Variants in OPCML observed in about 807,000 individuals in gnomAD.
OPCML encodes the protein opioid binding protein/cell adhesion molecule like, also known as opioid-binding protein/cell adhesion molecule.
OPCML carries 13 observed loss-of-function variants against 37.8 expected under a neutral mutation model. That is an observed-to-expected ratio of 0.34 (90% CI 0.22 to 0.55). The LOEUF (loss-of-function observed/expected upper bound fraction) is 0.55, where lower values mean the gene tolerates loss of function less well. Ranked by LOEUF, OPCML falls within the 20% of genes least tolerant of loss-of-function variation. The probability of loss-of-function intolerance (pLI) is 0.91; values close to 1 mark genes in which losing one functional copy is unlikely to be tolerated. For synonymous variants in OPCML, 176 were observed against 168.8 expected (o/e 1.04, Z -0.33); for missense variants, 341 against 435.6 (o/e 0.78, Z 1.93).
chr11:133,445,403 C>G (rs1181033497), intron 1 of OPCML, among the ~76,000 whole-genome samples: 1 of 152,158 alleles, frequency 6.6e-6, no homozygotes, highest in Non-Finnish European at 1.5e-5. Flanking sequence ...CACTTTTTGG[C>G]TAAACATAAT....
Position 132,768,561 on chromosome 11 carries a change from G to A in OPCML, c.147-111242C>T, listed in dbSNP as rs571486483. Among the ~76,000 whole-genome samples, 4 of 152,272 alleles carry A rather than the reference G, an allele frequency of 2.6e-5. No homozygotes were observed. The South Asian group carries it at 8.3e-4, about 32-fold the overall frequency. On this transcript the variant is annotated intron_variant, in intron 2 of 7. Coordinates refer to ENST00000524381, the MANE Select transcript of OPCML (RefSeq NM_001012393.5). Reference sequence around the variant, plus strand: ...TTATTTAAACTGGGAAACAATTAATGTGTGTAGCTATCATTTACAAACCAT... The same window carrying A: ...TTATTTAAACTGGGAAACAATTAATATGTGTAGCTATCATTTACAAACCAT...
intron 2 of OPCML, among the ~76,000 whole-genome samples, chr11:132,922,443 G>C (rs1243942800): frequency 6.6e-6 from 1 of 152,120 alleles, no homozygotes; most frequent in African/African-American, 2.4e-5. Context: ...TGTGCAAACA[G>C]AGAAAGCCAC....
At chr11:133,451,421 T>A (rs976106732) in intron 1 of OPCML, among the ~76,000 whole-genome samples, 1 of 151,776 alleles carries the variant, frequency 6.6e-6, no homozygotes, top group Non-Finnish European at 1.5e-5. Flanking sequence ...ACTCAGTAGA[T>A]ATCCTGCAGT....
intron 1 of OPCML, among the ~76,000 whole-genome samples, chr11:132,995,585 GAATT>G (rs1284927395): frequency 2.0e-5 from 3 of 151,876 alleles, no homozygotes; most frequent in Admixed American, 2.0e-4. Context: ...TTGAGGAAAA[GAATT>G]AGATTATTTA....
intron 2 of OPCML, among the ~76,000 whole-genome samples, chr11:132,897,632 A>T (rs1041340625): frequency 1.3e-5 from 2 of 152,202 alleles, no homozygotes; most frequent in African/African-American, 4.8e-5. Flanking sequence ...GCACCAGCTA[A>T]AAGTGGACAG....
At chr11:133,522,640 G>T (rs922246529) in intron 1 of OPCML, among the ~76,000 whole-genome samples, 5 of 152,160 alleles carry the variant, frequency 3.3e-5, no homozygotes, top group African/African-American at 1.2e-4. Flanking sequence ...AACAGATTGG[G>T]AGGCAAAGTT....
chr11:133,268,874 G>A (rs1941737207), intron 1 of OPCML, among the ~76,000 whole-genome samples: 1 of 152,186 alleles, frequency 6.6e-6, no homozygotes, highest in Non-Finnish European at 1.5e-5. Context: ...TTTCTCTGAA[G>A]GCAGGTTTTG....
At chr11:132,450,947 T>C (rs1217760602) in intron 4 of OPCML, among the ~76,000 whole-genome samples, 1 of 152,160 alleles carries the variant, frequency 6.6e-6, no homozygotes, top group Non-Finnish European at 1.5e-5. Context: ...AAGTAACATG[T>C]GTTCCTTCCA....
chr11:132,577,136 G>A (rs1591575663), intron 3 of OPCML, among the ~76,000 whole-genome samples: 1 of 152,154 alleles, frequency 6.6e-6, no homozygotes, highest in Non-Finnish European at 1.5e-5. Context: ...TGTCTGGATT[G>A]TGAAATATTT....
chr11:133,025,196 G>A, intron 1 of OPCML: 1 of 583,796 alleles, frequency 1.7e-6, no homozygotes, highest in Non-Finnish European at 2.2e-6. Context: ...AATATGGGGT[G>A]ACTTATTCTA....
chr11:132,857,373 GA>G (rs764907758), intron 2 of OPCML, among the ~76,000 whole-genome samples: 26 of 152,072 alleles, frequency 1.7e-4, no homozygotes, highest in Non-Finnish European at 2.5e-4. Context: ...AGATAGTAAA[GA>G]AAAAACTAGT....
At chr11:132,980,026 A>C (rs2136785453) in intron 1 of OPCML, among the ~76,000 whole-genome samples, 1 of 152,342 alleles carries the variant, frequency 6.6e-6, no homozygotes, top group Admixed American at 6.5e-5. Context: ...ATTGCCCTTA[A>C]GGAAATTAGT....
chr11:133,146,818 G>T (rs530337541), intron 1 of OPCML, among the ~76,000 whole-genome samples: 1 of 152,188 alleles, frequency 6.6e-6, no homozygotes, highest in East Asian at 1.9e-4. Context: ...CCCAGCACAG[G>T]CCCAGTAACA....
chr11:132,945,386 G>A (rs1246127763), intron 1 of OPCML, among the ~76,000 whole-genome samples: 2 of 152,160 alleles, frequency 1.3e-5, no homozygotes, highest in African/African-American at 4.8e-5. Flanking sequence ...GTAAGGATTT[G>A]TGTATCTAAA....
chr11:133,160,997 G>A (rs920730858), intron 1 of OPCML, among the ~76,000 whole-genome samples: 2 of 152,218 alleles, frequency 1.3e-5, no homozygotes, highest in African/African-American at 4.8e-5. Flanking sequence ...GGAGCTGGAT[G>A]GAAATCAGGC....
intron 1 of OPCML, among the ~76,000 whole-genome samples, chr11:133,091,534 C>T (rs1948906282): frequency 6.6e-6 from 1 of 152,212 alleles, no homozygotes; most frequent in African/African-American, 2.4e-5. Context: ...ACCCCTGAAC[C>T]AGTGTGTCCA....
At chr11:132,910,030 G>C (rs1236027963) in intron 2 of OPCML, among the ~76,000 whole-genome samples, 1 of 152,186 alleles carries the variant, frequency 6.6e-6, no homozygotes, top group African/African-American at 2.4e-5. Context: ...AGAAGACAGG[G>C]AGTGAGCAAG....
rs905336003 is a variant in OPCML, at chr11:132,418,784, G to C, written c.*1409C>G. On this transcript the variant is annotated 3_prime_UTR_variant, in exon 8 of 8. Transcript: ENST00000524381. ...AGAGACAGATGTGTTTTTCTCTCAA[G>C]TTCTTGCTGCTAAGGAAAGCCAGCC... 1 of 152,486 alleles carries C rather than the reference G, an allele frequency of 6.6e-6. No individual in the cohort carries two copies. The highest frequency in any genetic ancestry group is 2.4e-5 in the African/African-American group (1 of 41,454). 9.4% of individuals were successfully genotyped at this position (152,486 alleles called of 1,614,324 possible).
At chr11:133,043,016 T>C (rs781076582) in intron 1 of OPCML, among the ~76,000 whole-genome samples, 1 of 152,104 alleles carries the variant, frequency 6.6e-6, no homozygotes, top group Non-Finnish European at 1.5e-5. Context: ...CCAGCAAGTC[T>C]CAGAGGCGAC....
Sources: gnomAD v4.1 joint callset for allele counts (sites outside exome capture counted in the v4.1 genomes callset) on GRCh38, gnomAD v4.1.1 for gene constraint, MANE v1.5 for transcripts, NCBI Gene and HGNC (gene_info 2026-07-23, HGNC 2026-07-21) for gene names.